PLA2G6: variants seen among roughly 807,000 people sequenced by gnomAD.
PLA2G6 encodes phospholipase A2 group VI.
PLA2G6 carries 62 observed loss-of-function variants against 83.8 expected under a neutral mutation model. The observed-to-expected ratio is 0.74, with a 90% CI of 0.60 to 0.91. The LOEUF (loss-of-function observed/expected upper bound fraction) is 0.91. PLA2G6 is among the 40% of genes least tolerant of loss of function. The pLI is 0.00. For synonymous variants in PLA2G6, 417 were observed against 449.8 expected (o/e 0.93, Z 0.92); for missense variants, 944 against 1,102.0 (o/e 0.86, Z 2.03).
chr22:38,169,531 G>T, intron 1 of PLA2G6, 60 bp from the exon 2 acceptor site: 1 of 955,546 alleles, frequency 1.0e-6, no homozygotes, highest in Non-Finnish European at 1.6e-6. Flanking sequence ...ATCTCACCCA[G>T]TGCAGCGGTT....
chr22:38,127,733 T>G (rs2087953513), intron 9 of PLA2G6, among the ~76,000 whole-genome samples: 1 of 152,144 alleles, frequency 6.6e-6, no homozygotes, highest in Non-Finnish European at 1.5e-5. Context: ...GGGTCCTGTC[T>G]AGTCTGGGGA....
chr22:38,126,994 T>G (rs1005516200), intron 9 of PLA2G6: 2 of 1,072,350 alleles, frequency 1.9e-6, no homozygotes, highest in Admixed American at 4.7e-5. Flanking sequence ...GAAATCCCAG[T>G]GGCCTCCGGG....
intron 1 of PLA2G6, among the ~76,000 whole-genome samples, chr22:38,179,379 A>G (rs1393015684): frequency 6.6e-6 from 1 of 152,234 alleles, no homozygotes; most frequent in Non-Finnish European, 1.5e-5. Flanking sequence ...GAGCAACTGA[A>G]TGAACAATAC....
intron 1 of PLA2G6, among the ~76,000 whole-genome samples, chr22:38,176,050 C>T (rs75387): frequency 0.51 from 77,861 of 151,924 alleles, 20,499 homozygotes; most frequent in South Asian, 0.64. Context: ...TAGGGAAATA[C>T]CATGCTCAAA....
At chr22:38,164,034 TGA>T (rs1195864239) in intron 2 of PLA2G6, among the ~76,000 whole-genome samples, 1 of 152,142 alleles carries the variant, frequency 6.6e-6, no homozygotes, top group Non-Finnish European at 1.5e-5. Flanking sequence ...CTGTTTCTGC[TGA>T]GATACCAGTG....
intron 2 of PLA2G6, chr22:38,150,694 A>G (rs2089517691): frequency 6.6e-6 from 1 of 152,224 alleles, no homozygotes; most frequent in African/African-American, 2.4e-5. Context: ...TAGCAGAGGG[A>G]AAAAAGTTAT....
intron 1 of PLA2G6, among the ~76,000 whole-genome samples, chr22:38,175,070 G>A (rs560813446): frequency 1.3e-5 from 2 of 152,248 alleles, no homozygotes; most frequent in East Asian, 3.9e-4. Flanking sequence ...AGCGGTCCCT[G>A]CCCTCTGATT....
chr22:38,152,246 C>T (rs1341345172), intron 2 of PLA2G6, among the ~76,000 whole-genome samples: 6 of 151,230 alleles, frequency 4.0e-5, no homozygotes, highest in Non-Finnish European at 5.9e-5. Flanking sequence ...GACAGAGTTT[C>T]GCTCTTGTCG....
chr22:38,165,872 T>G (rs1195738764), intron 2 of PLA2G6, among the ~76,000 whole-genome samples: 2 of 152,012 alleles, frequency 1.3e-5, no homozygotes, highest in East Asian at 3.9e-4. Flanking sequence ...AGAGCGAGAC[T>G]CCATCTCAAA....
intron 12 of PLA2G6, chr22:38,116,479 G>A: frequency 1.6e-6 from 1 of 628,910 alleles, no homozygotes; most frequent in Non-Finnish European, 3.0e-6. Flanking sequence ...CCTGTTGCAA[G>A]ACTGATAAAA....
chr22:38,118,765 T>C (rs1263309343), intron 12 of PLA2G6, among the ~76,000 whole-genome samples: 1 of 151,780 alleles, frequency 6.6e-6, no homozygotes, highest in Non-Finnish European at 1.5e-5. Context: ...TTTTTTTTTT[T>C]TGTCTTAAGA....
At chr22:38,160,927 G>A (rs2089984556) in intron 2 of PLA2G6, among the ~76,000 whole-genome samples, 1 of 152,152 alleles carries the variant, frequency 6.6e-6, no homozygotes, top group Non-Finnish European at 1.5e-5. Context: ...GGCTTCTGGG[G>A]TGCTGTAATG....
intron 2 of PLA2G6, among the ~76,000 whole-genome samples, chr22:38,155,324 G>C (rs1219881465): frequency 6.6e-6 from 1 of 151,694 alleles, no homozygotes; most frequent in Admixed American, 6.6e-5. Context: ...TGAAAGAAAA[G>C]GACATTAATG....
chr22:38,175,774 TG>T (rs1230360210), intron 1 of PLA2G6, among the ~76,000 whole-genome samples: 1 of 152,156 alleles, frequency 6.6e-6, no homozygotes. Context: ...CATGTGAGAA[TG>T]GGGGTGCATC....
chr22:38,154,884 A>G (rs2089713244), intron 2 of PLA2G6, among the ~76,000 whole-genome samples: 1 of 152,236 alleles, frequency 6.6e-6, no homozygotes, highest in South Asian at 2.1e-4. Context: ...ACAGAGAAGG[A>G]ATTCAGAATC....
chr22:38,170,195 C>CAA (rs132990), intron 1 of PLA2G6, among the ~76,000 whole-genome samples: 5 of 75,504 alleles, frequency 6.6e-5, no homozygotes, highest in Admixed American at 1.5e-4. Context: ...GACTCTGTCT[C>CAA]AAAAAAAAAA....
intron 2 of PLA2G6, among the ~76,000 whole-genome samples, chr22:38,155,936 A>T (rs990503225): frequency 1.3e-5 from 2 of 152,210 alleles, no homozygotes; most frequent in African/African-American, 4.8e-5. Context: ...CATGAAACAC[A>T]CTTTACCTGT....
intron 2 of PLA2G6, 29 bp downstream of exon 2, chr22:38,169,189 G>A: frequency 6.5e-7 from 1 of 1,549,340 alleles, no homozygotes. Flanking sequence ...TGAAAGGAGA[G>A]AAGTATGTTC....
chr22:38,144,030 C>G (rs2089085006), intron 3 of PLA2G6: 1 of 165,342 alleles, frequency 6.0e-6, no homozygotes, highest in South Asian at 1.6e-4. Flanking sequence ...AGGTGTGAGC[C>G]ACCACGCCCG....
Sources: gnomAD v4.1 joint callset for allele counts (sites outside exome capture counted in the v4.1 genomes callset) on GRCh38, gnomAD v4.1.1 for gene constraint, MANE v1.5 for transcripts, NCBI Gene and HGNC (gene_info 2026-07-23, HGNC 2026-07-21) for gene names.